The following CNTNAP2 variants were observed in gnomAD, a reference collection of about 807,000 sequenced individuals.
The protein encoded by CNTNAP2 is contactin associated protein 2, also known as contactin-associated protein-like 2.
Under a neutral mutation model 155.2 loss-of-function variants are expected in CNTNAP2, and 98 were observed. The observed-to-expected ratio is 0.63, with a 90% CI of 0.54 to 0.75. The LOEUF is 0.75. Among genes scored for constraint, CNTNAP2 ranks in the 30% least tolerant of loss-of-function variants. The pLI is 0.00. For synonymous variants in CNTNAP2, 651 were observed against 631.2 expected (o/e 1.03, Z -0.47); for missense variants, 1,727 against 1,688.1 (o/e 1.02, Z -0.40).
At chr7:146,923,659 T>G (rs899306325) in intron 3 of CNTNAP2, among the ~76,000 whole-genome samples, 1 of 152,180 alleles carries the variant, frequency 6.6e-6, no homozygotes, top group Non-Finnish European at 1.5e-5. Flanking sequence ...TTGGCTGCTT[T>G]TATTTGTTGT....
chr7:147,802,751 C>G (rs2116593678), intron 13 of CNTNAP2, among the ~76,000 whole-genome samples: 1 of 124,320 alleles, frequency 8.0e-6, no homozygotes, highest in South Asian at 2.6e-4. Flanking sequence ...CGCTCGGCAT[C>G]AGAGGGAGAC....
At chr7:147,802,564 ACGAG>A (rs1798019421) in intron 13 of CNTNAP2, among the ~76,000 whole-genome samples, 1 of 152,180 alleles carries the variant, frequency 6.6e-6, no homozygotes, top group Non-Finnish European at 1.5e-5. Flanking sequence ...ACTCGCGGTT[ACGAG>A]CTGGAGACCA....
chr7:147,345,069 A>C (rs1795831099), intron 9 of CNTNAP2, among the ~76,000 whole-genome samples: 1 of 152,118 alleles, frequency 6.6e-6, no homozygotes, highest in Admixed American at 6.6e-5. Context: ...GTACACATAA[A>C]ATTTAAGTAT....
chr7:147,997,276 G>A (rs1263386986), intron 15 of CNTNAP2, among the ~76,000 whole-genome samples: 1 of 152,220 alleles, frequency 6.6e-6, no homozygotes, highest in Admixed American at 6.5e-5. Flanking sequence ...TTAAACAGCT[G>A]GGTGTGGTGG....
At chr7:146,384,092 G>A (rs1179120864) in intron 1 of CNTNAP2, among the ~76,000 whole-genome samples, 2 of 152,164 alleles carry the variant, frequency 1.3e-5, no homozygotes, top group East Asian at 3.9e-4. Flanking sequence ...GTCTCCTGCG[G>A]AGAAAGGAAC....
intron 1 of CNTNAP2, among the ~76,000 whole-genome samples, chr7:146,162,447 C>G (rs1464446164): frequency 6.6e-6 from 1 of 152,148 alleles, no homozygotes; most frequent in African/African-American, 2.4e-5. Context: ...CAAATCAAAA[C>G]CACAATGAGA....
intron 18 of CNTNAP2, among the ~76,000 whole-genome samples, chr7:148,209,044 A>G (rs1795499861): frequency 6.6e-6 from 1 of 152,120 alleles, no homozygotes; most frequent in Non-Finnish European, 1.5e-5. Context: ...TTTAAAATGA[A>G]TATTTCAGCC....
At chr7:147,134,436 T>G (rs2129285708) in intron 8 of CNTNAP2, among the ~76,000 whole-genome samples, 1 of 152,000 alleles carries the variant, frequency 6.6e-6, no homozygotes, top group Non-Finnish European at 1.5e-5. Context: ...ATATAAAATC[T>G]AAAGATTTCC....
chr7:147,476,697 C>G (rs1798326202), intron 10 of CNTNAP2, among the ~76,000 whole-genome samples: 1 of 151,946 alleles, frequency 6.6e-6, no homozygotes, highest in Non-Finnish European at 1.5e-5. Flanking sequence ...GAGGCCAAGG[C>G]TGGTGGATCA....
chr7:147,533,232 T>C (rs897603667), intron 11 of CNTNAP2, among the ~76,000 whole-genome samples: 4 of 152,218 alleles, frequency 2.6e-5, no homozygotes, highest in Non-Finnish European at 5.9e-5. Context: ...TTATTCTAAC[T>C]GCAAATTCAA....
intron 15 of CNTNAP2, among the ~76,000 whole-genome samples, chr7:148,059,390 G>A (rs892482515): frequency 2.6e-5 from 4 of 151,944 alleles, no homozygotes; most frequent in East Asian, 1.9e-4. Context: ...TCAGGAGTTC[G>A]AGACCAGCCT....
intron 1 of CNTNAP2, among the ~76,000 whole-genome samples, chr7:146,384,075 A>T (rs1795427749): frequency 6.6e-6 from 1 of 152,218 alleles, no homozygotes; most frequent in Non-Finnish European, 1.5e-5. Flanking sequence ...GACTCTGGGC[A>T]TCCAAAGTCT....
In CNTNAP2 at chr7:147,656,330, C is replaced by T. The variant is rs146842983; in HGVS notation, c.2098+17024C>T. Among the ~76,000 whole-genome samples the T allele has an allele frequency of 6.2e-3, 946 of 152,288 alleles. 13 individuals are homozygous for T. The highest frequency in any genetic ancestry group is 0.022 in the African/African-American group (901 of 41,554). On this transcript the variant is annotated intron_variant, in intron 13 of 23. Transcript: ENST00000361727. Reference sequence around the variant, plus strand: ...ATTCACAACTTTGCTAGCTGTTTGGCGCAAGAGGGTTAGCTTCCAGCCTAT... The same window carrying T: ...ATTCACAACTTTGCTAGCTGTTTGGTGCAAGAGGGTTAGCTTCCAGCCTAT...
At chr7:147,950,916 C>T (rs1800918642) in intron 14 of CNTNAP2, among the ~76,000 whole-genome samples, 1 of 152,242 alleles carries the variant, frequency 6.6e-6, no homozygotes, top group Admixed American at 6.5e-5. Flanking sequence ...TGTCTCTTCA[C>T]TTTTCTACAA....
At chr7:146,967,399 C>G (rs1208024490) in intron 3 of CNTNAP2, among the ~76,000 whole-genome samples, 1 of 152,130 alleles carries the variant, frequency 6.6e-6, no homozygotes, top group African/African-American at 2.4e-5. Context: ...TTACCTTGGG[C>G]AGTACGGCCA....
chr7:146,388,137 G>A (rs1795487158), intron 1 of CNTNAP2, among the ~76,000 whole-genome samples: 3 of 147,760 alleles, frequency 2.0e-5, no homozygotes, highest in Middle Eastern at 3.5e-3. Context: ...TTTTCTTCTC[G>A]GGAATGCTTT....
intron 19 of CNTNAP2, among the ~76,000 whole-genome samples, chr7:148,229,355 T>C (rs1301674915): frequency 6.6e-6 from 1 of 152,014 alleles, no homozygotes; most frequent in Admixed American, 6.6e-5. Context: ...GAAACCCCCA[T>C]CACTACTGAA....
At chr7:146,318,471 A>G (rs995597921) in intron 1 of CNTNAP2, among the ~76,000 whole-genome samples, 9 of 152,170 alleles carry the variant, frequency 5.9e-5, no homozygotes, top group African/African-American at 2.2e-4. Context: ...AATGTCTTAT[A>G]GGCTTCTGAA....
rs181900888 is a variant in CNTNAP2, at chr7:147,094,188, A to G, written c.551-13959A>G. 1.3e-3 allele frequency among the ~76,000 whole-genome samples: 198 copies of G among 152,214 alleles called. 1 individual carries two copies. Among genetic ancestry groups the G allele is most frequent in the Admixed American group, 2.1e-3 (32 of 15,296 alleles). ...AACAGATCTCTTCCTGAGTTCTGCA[A>G]CTTCCCAGGGCATCCTCATTTCTGT... is the stretch of plus-strand genomic sequence containing the variant. On this transcript the variant is annotated intron_variant, in intron 4 of 23. Transcript: ENST00000361727.
Sources: allele counts gnomAD v4.1 joint callset (sites outside exome capture counted in the v4.1 genomes callset), GRCh38; gene constraint gnomAD v4.1.1; transcripts MANE v1.5; gene names NCBI Gene and HGNC (gene_info 2026-07-23, HGNC 2026-07-21).